SAMSN1: variants seen among roughly 807,000 people sequenced by gnomAD.
The protein encoded by SAMSN1 is SAM domain-containing protein SAMSN-1.
Under a neutral mutation model 42.0 loss-of-function variants are expected in SAMSN1, and 31 were observed. The observed-to-expected ratio is 0.74, with a 90% CI of 0.55 to 1.00. The LOEUF (loss-of-function observed/expected upper bound fraction) is 1.00. Ranked by LOEUF, SAMSN1 falls within the 50% of genes least tolerant of loss-of-function variation. The pLI is 0.00. For synonymous variants in SAMSN1, 178 were observed against 151.9 expected, an observed-to-expected ratio of 1.17 and a Z score of -1.26; for missense variants, 464 against 439.4, an observed-to-expected ratio of 1.06 and a Z score of -0.50.
At chr21:14,541,478 C>T (rs1177682816) in intron 1 of SAMSN1, among the ~76,000 whole-genome samples, 1 of 152,118 alleles carries the variant, frequency 6.6e-6, no homozygotes, top group Admixed American at 6.5e-5. Flanking sequence ...CATAAACTTT[C>T]TTAAAATATT....
intron 2 of SAMSN1, chr21:14,582,076 C>T: frequency 7.1e-7 from 1 of 1,409,044 alleles, no homozygotes; most frequent in Non-Finnish European, 9.5e-7. Flanking sequence ...CTATCTGTTT[C>T]TTTCCCGACA....
At position 14,522,759 on chromosome 21, in the gene SAMSN1, T is replaced by C. The variant is rs563202776; in HGVS notation, c.58-1538A>G. ...ATCCATACATATATTTAAGAAAAAT[T>C]AATTTAAAAAATTAACATAATTATT... On this transcript the variant is annotated intron_variant, in intron 1 of 7. Coordinates refer to ENST00000400566, the MANE Select transcript of SAMSN1 (RefSeq NM_022136.5). Among the ~76,000 whole-genome samples, 14 of 152,332 alleles carry C rather than the reference T, an allele frequency of 9.2e-5. No homozygotes were observed. In the South Asian group the frequency reaches 2.1e-3, roughly 23 times the overall value.
rs370874379 is a variant in SAMSN1 at position 14,546,290 on chromosome 21, C to T, written c.-29G>A. The stretch of plus-strand genomic sequence containing the variant: ...GAATTCTGACTACTCCTAGTGAGTG[C>T]ACTTTCTGCTGTTACAGAAACAACT... On this transcript the variant is annotated 5_prime_UTR_variant, in exon 1 of 8. Coordinates refer to ENST00000400566, the MANE Select transcript of SAMSN1 (RefSeq NM_022136.5). The T allele has an allele frequency of 1.2e-4, 188 of 1,611,736 alleles. No individual in the cohort carries two copies. Among genetic ancestry groups the T allele is most frequent in the Non-Finnish European group, 1.4e-4 (170 of 1,178,888 alleles).
chr21:14,563,797 C>G (rs1172014724), intron 2 of SAMSN1, among the ~76,000 whole-genome samples: 1 of 152,134 alleles, frequency 6.6e-6, no homozygotes, highest in African/African-American at 2.4e-5. Context: ...ATGGAAAGAA[C>G]AGGTATAAAA....
chr21:14,612,412 G>C (rs1485211768), intron 4 of SAMSN1: 1 of 218,002 alleles, frequency 4.6e-6, no homozygotes, highest in East Asian at 1.1e-4. Context: ...AAACCAAACT[G>C]ATTGCATGTA....
At chr21:14,575,310 C>A (rs1981424957) in intron 2 of SAMSN1, among the ~76,000 whole-genome samples, 1 of 152,092 alleles carries the variant, frequency 6.6e-6, no homozygotes, top group Non-Finnish European at 1.5e-5. Flanking sequence ...TTTTCTTGCT[C>A]ACCTTAAGTT....
At chr21:14,603,832 G>A (rs1003008269) in intron 5 of SAMSN1, among the ~76,000 whole-genome samples, 15 of 152,240 alleles carry the variant, frequency 9.9e-5, no homozygotes, top group African/African-American at 3.6e-4. Context: ...CAGCTCCACA[G>A]CTAAAGAGTA....
intron 5 of SAMSN1, among the ~76,000 whole-genome samples, chr21:14,605,855 T>TATTTA (rs1418601211): frequency 6.7e-6 from 1 of 148,896 alleles, no homozygotes; most frequent in Admixed American, 6.8e-5. Context: ...TTTATTTATT[T>TATTTA]TTTTGAGATG....
chr21:14,622,861 A>G (rs557338177), intron 2 of SAMSN1, among the ~76,000 whole-genome samples: 1 of 152,372 alleles, frequency 6.6e-6, no homozygotes, highest in African/African-American at 2.4e-5. Flanking sequence ...TGTTAAGGGC[A>G]GCCAGAGAGA....
intron 6 of SAMSN1, among the ~76,000 whole-genome samples, chr21:14,596,700 T>G (rs1982274316): frequency 6.6e-6 from 1 of 152,142 alleles, no homozygotes; most frequent in African/African-American, 2.4e-5. Flanking sequence ...GACCTATCCC[T>G]GCAGTCAATT....
intron 1 of SAMSN1, among the ~76,000 whole-genome samples, chr21:14,538,256 T>C (rs1979763531): frequency 6.6e-6 from 1 of 152,196 alleles, no homozygotes; most frequent in South Asian, 2.1e-4. Flanking sequence ...TGTATTTTAT[T>C]CCAGAAAACT....
intron 2 of SAMSN1, among the ~76,000 whole-genome samples, chr21:14,634,488 C>T (rs988181781): frequency 6.6e-6 from 1 of 151,932 alleles, no homozygotes; most frequent in African/African-American, 2.4e-5. Context: ...TAAACAGCCC[C>T]ATCAAAAAGT....
chr21:14,516,845 A>G, intron 3 of SAMSN1, 47 bp downstream of exon 3: 1 of 1,504,140 alleles, frequency 6.6e-7, no homozygotes. Context: ...GAATAGTTTA[A>G]GAAAGTTTTA....
chr21:14,635,327 T>C (rs1250625373), intron 2 of SAMSN1, among the ~76,000 whole-genome samples: 1 of 152,070 alleles, frequency 6.6e-6, no homozygotes, highest in Non-Finnish European at 1.5e-5. Flanking sequence ...TGCACATGTA[T>C]CCCAGAACTT....
At chr21:14,554,394 C>T (rs1980691463) in intron 2 of SAMSN1, among the ~76,000 whole-genome samples, 1 of 152,096 alleles carries the variant, frequency 6.6e-6, no homozygotes, top group South Asian at 2.1e-4. Context: ...GTGCCTGGTA[C>T]ATAATAAACA....
At position 14,599,639 on chromosome 21, in the gene SAMSN1, C is replaced by T. The variant is rs185617823; in HGVS notation, c.399+2384G>A. 3.9e-5 allele frequency among the ~76,000 whole-genome samples: 6 copies of T among 151,984 alleles called. No individual in the cohort carries two copies. The South Asian group carries it at 1.0e-3, about 26-fold the overall frequency. ...TGAGTTCTCACTCTATTAGTTCCTG[C>T]GAGAGCCAGTTGTTTCAAAGAGCTA... On this transcript the variant is annotated intron_variant, in intron 6 of 15. Transcript: ENST00000647101.
chr21:14,518,724 A>G (rs1988027477), intron 2 of SAMSN1, among the ~76,000 whole-genome samples: 1 of 152,220 alleles, frequency 6.6e-6, no homozygotes, highest in Non-Finnish European at 1.5e-5. Context: ...ATATGAATGG[A>G]CAGCCAATTT....
intron 5 of SAMSN1, among the ~76,000 whole-genome samples, chr21:14,504,016 A>G (rs1353432250): frequency 6.6e-6 from 1 of 152,186 alleles, no homozygotes; most frequent in Admixed American, 6.5e-5. Flanking sequence ...CAATCATTAC[A>G]GATTGCTCTC....
chr21:14,538,158 C>T (rs74780218), intron 1 of SAMSN1, among the ~76,000 whole-genome samples: 2,258 of 152,154 alleles, frequency 0.015, 31 homozygotes, highest in Non-Finnish European at 0.02. Context: ...GAGGTAATAA[C>T]TAGAAGTTAA....
Sources: gnomAD v4.1 joint callset for allele counts (sites outside exome capture counted in the v4.1 genomes callset) on GRCh38, gnomAD v4.1.1 for gene constraint, MANE v1.5 for transcripts, NCBI Gene and HGNC (gene_info 2026-07-23, HGNC 2026-07-21) for gene names.